AGRN: variants seen among roughly 807,000 people sequenced by gnomAD.
AGRN encodes agrin, also known as agrin proteoglycan.
Under a neutral mutation model 211.0 loss-of-function variants are expected in AGRN, and 106 were observed. That is an observed-to-expected ratio of 0.50 (90% CI 0.43 to 0.59). The LOEUF is 0.59. Among genes scored for constraint, AGRN ranks in the 20% least tolerant of loss-of-function variants. AGRN has a pLI of 0.00. For missense variants in AGRN, 3,040 were observed against 2,982.6 expected, an observed-to-expected ratio of 1.02 and a Z score of -0.45; for synonymous variants, 1,525 against 1,332.5, an observed-to-expected ratio of 1.14 and a Z score of -3.15.
rs780275897 is a variant in AGRN at position 1,048,172 on chromosome 1, C to A, written c.3912C>A (p.Ala1304=). The A allele has an allele frequency of 6.3e-7, 1 of 1,577,866 alleles. No homozygotes were observed. Among genetic ancestry groups the A allele is most frequent in the Non-Finnish European group, 8.6e-7 (1 of 1,167,708 alleles). ...TSQPVAKTTA[A]PTTRRPPTTA... ...AGCCCGTTGCCAAGACCACGGCAGC[C>A]CCCACCACACGTCGGCCCCCCACCA... Residue 1304 remains alanine (A), a synonymous_variant, in exon 23 of 36, where the codon GCC becomes GCA. Coordinates refer to ENST00000379370, the MANE Select transcript of AGRN (RefSeq NM_198576.4). This position sits in a 1 kb window ranked among gnomAD's most constrained non-coding sequence, Gnocchi z 5.9.
At position 1,031,284 on chromosome 1, in the gene AGRN, T is replaced by C. The variant is rs1644671633; in HGVS notation, c.464-3993T>C. 6.7e-6 allele frequency among the ~76,000 whole-genome samples: 1 copy of C among 150,132 alleles called. No homozygotes were observed. Among genetic ancestry groups the C allele is most frequent in the Admixed American group, 6.6e-5 (1 of 15,108 alleles). ...CATGGTGCTGAGTGTGAGATCAGCA[T>C]GTGTGTGTATGTGTGTGCGGTGCAT... On this transcript the variant is annotated intron_variant, in intron 2 of 35. Coordinates refer to ENST00000379370, the MANE Select transcript of AGRN (RefSeq NM_198576.4). This position sits in a 1 kb window ranked among gnomAD's most constrained non-coding sequence, Gnocchi z 4.8.
intron 12 of AGRN, 80 bp from the exon 13 acceptor site, chr1:1,045,081 G>T: frequency 6.8e-7 from 1 of 1,465,988 alleles, no homozygotes; most frequent in African/African-American, 1.4e-5. Context: ...GACAGTGGGG[G>T]TAGGTGGAGG....
rs1490744671 is a variant in AGRN at position 1,031,282 on chromosome 1, CAT to C, written c.464-3994_464-3993del. ...TGCATGGTGCTGAGTGTGAGATCAG[CAT>C]GTGTGTGTATGTGTGTGCGGTGCAT... On this transcript the variant is annotated intron_variant, in intron 2 of 35. Coordinates refer to ENST00000379370, the MANE Select transcript of AGRN (RefSeq NM_198576.4). The surrounding 1 kb of genome is among the most constrained non-coding windows in gnomAD (Gnocchi z 4.8). Among the ~76,000 whole-genome samples the C allele has an allele frequency of 2.0e-5, 3 of 146,754 alleles. No individual in the cohort carries two copies. The highest frequency in any genetic ancestry group is 1.3e-4 in the Admixed American group (2 of 14,850).
At position 1,048,832 on chromosome 1, in the gene AGRN, CT is replaced by C; in HGVS notation, c.4106-31del. On this transcript the variant is annotated intron_variant, in intron 23 of 35. Coordinates refer to ENST00000379370, the MANE Select transcript of AGRN (RefSeq NM_198576.4). The surrounding 1 kb of genome is among the most constrained non-coding windows in gnomAD (Gnocchi z 5.9). ...GGATAAAAGTGGGGAATCCTCGGAG[CT>C]TTTCCAGCCGGCCCTCCCGGTCGCC... is the stretch of plus-strand genomic sequence containing the variant. 2 of 1,510,072 alleles carry C rather than the reference CT, an allele frequency of 1.3e-6. No individual in the cohort carries two copies. The highest frequency in any genetic ancestry group is 1.2e-5 in the South Asian group (1 of 82,396). The allele number at this position is 1,510,072 out of a possible 1,614,324, so 93.5% of individuals were successfully genotyped here. A position where few individuals can be genotyped will look rare whatever the true frequency, so the allele number is the denominator to read the frequency against.
At chr1:1,052,529 GCATA>G (rs1645329765) in intron 33 of AGRN, 1 of 238,758 alleles carries the variant, frequency 4.2e-6, no homozygotes, top group Non-Finnish European at 8.3e-6. Flanking sequence ...GTGTGTGTGT[GCATA>G]TGGGTCCATG....
Position 1,034,773 on chromosome 1 carries a change from G to A in AGRN, c.464-504G>A, listed in dbSNP as rs557137609. The A allele has an allele frequency of 3.1e-5, 31 of 997,336 alleles. No individual in the cohort carries two copies. In the South Asian group the frequency reaches 1.1e-3, roughly 36 times the overall value. 61.8% of individuals were successfully genotyped at this position (997,336 alleles called of 1,614,324 possible). A position where few individuals can be genotyped will look rare whatever the true frequency, so the allele number is the denominator to read the frequency against. ...CCGAGGCCCCTGCACATAGAGGCTG[G>A]AGGCCGCGGCGGGTCCGCGGGGCTC... On this transcript the variant is annotated intron_variant, in intron 2 of 35. Coordinates refer to ENST00000379370, the MANE Select transcript of AGRN (RefSeq NM_198576.4).
chr1:1,055,197 C>A lies in AGRN; in HGVS notation c.*216C>A. 1.4e-6 allele frequency: 1 copy of A among 721,340 alleles called. No individual in the cohort carries two copies. Among genetic ancestry groups the A allele is most frequent in the South Asian group, 1.7e-5 (1 of 58,324 alleles). 44.7% of individuals were successfully genotyped at this position (721,340 alleles called of 1,614,324 possible). ...CTCGGCGTGGATGGCAGCCTCAGGA[C>A]ACACACCCCTGCCTCAAGGTGCTGA... On this transcript the variant is annotated 3_prime_UTR_variant, in exon 36 of 36. Transcript: ENST00000379370.
At position 1,044,008 on chromosome 1, in the gene AGRN, G is replaced by A; in HGVS notation, c.1984G>A (p.Gly662Arg). ...QQTQIEEARA[G>R]PCEQAECGSG... ...GACACAGATCGAGGAGGCCCGGGCA[G>A]GGCCGTGCGAGCAGGGTAGGCCGGG... The change falls in exon 10 of 36, where the codon GGG becomes AGG. Residue 662 changes from glycine to arginine, a missense_variant. By Grantham distance (125) the Gly-to-Arg change is moderately radical. Transcript: ENST00000379370. The A allele has an allele frequency of 6.2e-7, 1 of 1,608,304 alleles. No individual in the cohort carries two copies. The highest frequency in any genetic ancestry group is 8.5e-7 in the Non-Finnish European group (1 of 1,179,200).
Position 1,046,712 on chromosome 1 carries a change from AG to A in AGRN, c.3229del (p.Ala1077ProfsTer161), listed in dbSNP as rs762176416. 1 of 1,581,258 alleles carries A rather than the reference AG, an allele frequency of 6.3e-7. No homozygotes were observed. The highest frequency in any genetic ancestry group is 8.6e-7 in the Non-Finnish European group (1 of 1,169,124). ...SSDEELSGDQ[E>X]ASGGGSGGLE... ...GATGAGGAACTGAGCGGGGACCAGG[AG>A]GCCAGTGGGGGTGGCTCTGGGGGTG... On this transcript the variant is annotated frameshift_variant, in exon 18 of 36. Coordinates refer to ENST00000379370, the MANE Select transcript of AGRN (RefSeq NM_198576.4). LOFTEE classifies it high-confidence loss of function.
chr1:1,045,307 G>C (rs376268028), intron 13 of AGRN, 30 bp downstream of exon 13: 122 of 1,612,028 alleles, frequency 7.6e-5, no homozygotes, highest in Middle Eastern at 3.3e-4. Flanking sequence ...CCCGACCCCG[G>C]GCCTGGTGCG....
chr1:1,020,183 G>A lies in AGRN; in HGVS notation c.11G>A (p.Arg4Gln). ...CCTCTCGCCTGCGCCATGGCCGGCC[G>A]GTCCCACCCGGGCCCGCTGCGGCCG... MAG[R>Q]SHPGPLRPLL... The change falls in exon 1 of 36, where the codon CGG becomes CAG. Residue 4 changes from arginine to glutamine, a missense_variant. Around this residue, in one of 3 missense-constraint regions of AGRN, gnomAD observed 1,498 missense variants for 1,457.8 expected, o/e 1.03. Coordinates refer to ENST00000379370, the MANE Select transcript of AGRN (RefSeq NM_198576.4). 3.0e-6 allele frequency: 4 copies of A among 1,333,302 alleles called. No homozygotes were observed. Among genetic ancestry groups the A allele is most frequent in the Non-Finnish European group, 3.8e-6 (4 of 1,045,538 alleles). The allele number at this position is 1,333,302 out of a possible 1,614,324, so 82.6% of individuals were successfully genotyped here.
chr1:1,039,411 T>TTGG (rs1553174275), intron 3 of AGRN, among the ~76,000 whole-genome samples: 2 of 148,436 alleles, frequency 1.3e-5, no homozygotes, highest in Non-Finnish European at 3.0e-5. Context: ...TCCTTGGAGA[T>TTGG]GGGGGGGGTT....
Position 1,047,331 on chromosome 1 carries a change from C to T in AGRN, c.3393C>T (p.Thr1131=). 6.2e-7 allele frequency: 1 copy of T among 1,601,688 alleles called. No homozygotes were observed. The highest frequency in any genetic ancestry group is 8.5e-7 in the Non-Finnish European group (1 of 1,174,796). The part of the protein sequence containing the change: ...LDAEGSNCPA[T]KVFQGVLELE... ...CTCACTGTACCTCCCCCACAGCCACCAAGGTGTTCCAGGGCGTCCTGGAGC... is the reference window on the plus strand; with the variant it reads ...CTCACTGTACCTCCCCCACAGCCACTAAGGTGTTCCAGGGCGTCCTGGAGC... The change falls in exon 20 of 36, where the codon ACC becomes ACT. Residue 1131 remains threonine (T), a synonymous_variant. Coordinates refer to ENST00000379370, the MANE Select transcript of AGRN (RefSeq NM_198576.4).
intron 2 of AGRN, among the ~76,000 whole-genome samples, chr1:1,027,145 T>C (rs1056629419): frequency 2.0e-5 from 3 of 151,974 alleles, no homozygotes; most frequent in African/African-American, 7.2e-5. Context: ...CCTCCTGCAG[T>C]CCCCCCACGG....
chr1:1,050,107 G>C, intron 27 of AGRN, 70 bp downstream of exon 27: 1 of 1,577,606 alleles, frequency 6.3e-7, no homozygotes. Flanking sequence ...ACAGGTTCCA[G>C]GTAGCATTGC....
chr1:1,055,355 C>T lies in AGRN; in HGVS notation c.*374C>T. The T allele has an allele frequency of 5.4e-6, 2 of 367,006 alleles. No individual in the cohort carries two copies. The highest frequency in any genetic ancestry group is 4.4e-5 in the South Asian group (2 of 45,490). 22.7% of individuals were successfully genotyped at this position (367,006 alleles called of 1,614,324 possible). A position where few individuals can be genotyped will look rare whatever the true frequency, so the allele number is the denominator to read the frequency against. Reference sequence around the variant, plus strand: ...GGGGCTGCTGAGGTCTGATGGGGCCCTTCCTCCGGGTGACCCCACAGGGCC... The same window carrying T: ...GGGGCTGCTGAGGTCTGATGGGGCCTTTCCTCCGGGTGACCCCACAGGGCC... On this transcript the variant is annotated 3_prime_UTR_variant, in exon 36 of 36. Coordinates refer to ENST00000379370, the MANE Select transcript of AGRN (RefSeq NM_198576.4).
In AGRN at chr1:1,045,143, C is replaced by T. The variant is rs1482093528; in HGVS notation, c.2255-18C>T. ...TCCAGCACTGCATGAAATCTGAGTC[C>T]CGTACCCTTTCCTGCAGGCCCCACC... On this transcript the variant is annotated intron_variant, in intron 12 of 35. Transcript: ENST00000379370. 1 of 1,609,884 alleles carries T rather than the reference C, an allele frequency of 6.2e-7. No homozygotes were observed. Among genetic ancestry groups the T allele is most frequent in the Admixed American group, 1.7e-5 (1 of 60,006 alleles).
chr1:1,051,591 G>T lies in AGRN; in HGVS notation c.5509G>T (p.Ala1837Ser). Residue 1837 changes from alanine (A) to serine (S), a missense_variant, in exon 32 of 36, where the codon GCT becomes TCT. By Grantham distance (99) the Ala-to-Ser change is moderately conservative (BLOSUM62 1). Around this residue, in one of 3 missense-constraint regions of AGRN, gnomAD observed 1,537 missense variants for 1,505.0 expected, o/e 1.02. Coordinates refer to ENST00000379370, the MANE Select transcript of AGRN (RefSeq NM_198576.4). ...LNGASCVPREAAYVCLCPGGF... is the reference protein window; with the variant it reads ...LNGASCVPRESAYVCLCPGGF... ...TGGGGCCTCCTGCGTCCCGAGGGAG[G>T]CTGCCTATGTGTGCCTGTGTCCCGG... 1 of 1,603,306 alleles carries T rather than the reference G, an allele frequency of 6.2e-7. No homozygotes were observed. The highest frequency in any genetic ancestry group is 8.5e-7 in the Non-Finnish European group (1 of 1,173,616).
chr1:1,021,078 C>T (rs915796283), intron 1 of AGRN, among the ~76,000 whole-genome samples: 1 of 152,162 alleles, frequency 6.6e-6, no homozygotes, highest in Non-Finnish European at 1.5e-5. Flanking sequence ...CCAGAGCCGG[C>T]GCCCGTGTAC....
Sources: gnomAD v4.1 joint callset for allele counts (sites outside exome capture counted in the v4.1 genomes callset) on GRCh38, gnomAD v4.1.1 for gene constraint, gnomAD v4.1.1 regional missense constraint, Gnocchi (gnomAD v3.1) non-coding constraint, MANE v1.5 for transcripts, NCBI Gene and HGNC (gene_info 2026-07-23, HGNC 2026-07-21) for gene names.